Variants in RAB26 observed in about 807,000 individuals in gnomAD.
RAB26 encodes RAB26, member RAS oncogene family.
In RAB26, 39 loss-of-function variants were observed where a neutral mutation model predicts 33.1. That is an observed-to-expected ratio of 1.18 (90% CI 0.91 to 1.54). RAB26 has a LOEUF of 1.54. Ranked by LOEUF, RAB26 falls within the 40% of genes most tolerant of loss-of-function variation. The pLI is 0.00. For synonymous variants in RAB26, 192 were observed against 151.9 expected, an observed-to-expected ratio of 1.26 and a Z score of -1.94; for missense variants, 468 against 362.9, an observed-to-expected ratio of 1.29 and a Z score of -2.35.
In RAB26 at chr16:2,148,892, G is replaced by C. The variant is rs1420609584; in HGVS notation, c.109G>C (p.Gly37Arg). The C allele has an allele frequency of 5.9e-6, 8 of 1,351,794 alleles. No individual in the cohort carries two copies. Among genetic ancestry groups the C allele is most frequent in the Non-Finnish European group, 7.6e-6 (8 of 1,049,202 alleles). 83.7% of individuals were successfully genotyped at this position (1,351,794 alleles called of 1,614,324 possible). The change falls in exon 1 of 9, where the codon GGC becomes CGC. Residue 37 changes from glycine (G) to arginine (R), a missense_variant. By Grantham distance (125) the Gly-to-Arg change is moderately radical (BLOSUM62 -2). Transcript: ENST00000210187. Reference sequence around the variant, plus strand: ...GGCGCGCTCCGGGACTGCGCTTTCCGGCCCCGACGCGCCGCCCAACGGGCC... The same window carrying C: ...GGCGCGCTCCGGGACTGCGCTTTCCCGCCCCGACGCGCCGCCCAACGGGCC... ...RPARSGTALS[G>R]PDAPPNGPLQ...
chr16:2,152,045 G>C (rs532313694), intron 5 of RAB26, 137 bp downstream of exon 5: 1 of 1,281,036 alleles, frequency 7.8e-7, no homozygotes, highest in Non-Finnish European at 1.1e-6. Flanking sequence ...TTCTGGGCTG[G>C]AGGTGGCCCA....
At chr16:2,153,288 A>T (rs1316989754) in intron 8 of RAB26, 31 bp from the exon 9 acceptor site, 1 of 1,613,144 alleles carries the variant, frequency 6.2e-7, no homozygotes, top group Non-Finnish European at 8.5e-7. Flanking sequence ...AGTCCAGGCC[A>T]TCGTGTCCCC....
chr16:2,150,405 T>C (rs932542498), intron 2 of RAB26, among the ~76,000 whole-genome samples: 1 of 152,194 alleles, frequency 6.6e-6, no homozygotes, highest in Non-Finnish European at 1.5e-5. Context: ...CTGCAGAGCC[T>C]GAGCGAGGGT....
At chr16:2,151,498 G>A (rs541215096) in intron 2 of RAB26, 71 bp from the exon 3 acceptor site, 1 of 1,606,194 alleles carries the variant, frequency 6.2e-7, no homozygotes, top group East Asian at 2.2e-5. Context: ...GGGACAGGAA[G>A]GCAGTGAAGC....
At chr16:2,149,542 A>G (rs1279727210) in intron 1 of RAB26, among the ~76,000 whole-genome samples, 2 of 151,626 alleles carry the variant, frequency 1.3e-5, no homozygotes, top group Non-Finnish European at 2.9e-5. Context: ...TAATGGGGCA[A>G]ATTCCTCGAG....
rs143122879 is a variant in RAB26 at position 2,149,579 on chromosome 16, G to A, written c.196-362G>A. ...CTTGCTGGGGTCATGTCCCTACTGGGATGTGGAGAAGCCCCCGGCAGAGGC... is the reference window on the plus strand; with the variant it reads ...CTTGCTGGGGTCATGTCCCTACTGGAATGTGGAGAAGCCCCCGGCAGAGGC... On this transcript the variant is annotated intron_variant, in intron 1 of 8. Coordinates refer to ENST00000210187, the MANE Select transcript of RAB26 (RefSeq NM_014353.5). Among the ~76,000 whole-genome samples, 68 of 152,210 alleles carry A rather than the reference G, an allele frequency of 4.5e-4. 1 individual carries two copies. The highest frequency in any genetic ancestry group is 1.6e-3 in the African/African-American group (67 of 41,512).
rs368619436 is a variant in RAB26 at position 2,151,520 on chromosome 16, G to A, written c.307-49G>A. 30 of 1,612,328 alleles carry A rather than the reference G, an allele frequency of 1.9e-5. No individual in the cohort carries two copies. In the African/African-American group the frequency reaches 3.6e-4, roughly 19 times the overall value. ...GAAGGCAGTGAAGCTAGTGGGACCA[G>A]AGGCTGGGCTGGGCCCATGCCAGAG... On this transcript the variant is annotated intron_variant, in intron 2 of 8. Coordinates refer to ENST00000210187, the MANE Select transcript of RAB26 (RefSeq NM_014353.5).
At position 2,148,937 on chromosome 16, in the gene RAB26, T is replaced by C; in HGVS notation, c.154T>C (p.Ser52Pro). The change falls in exon 1 of 9, where the codon TCG becomes CCG. Residue 52 changes from serine to proline, a missense_variant. Transcript: ENST00000210187. ...PNGPLQPGRPSLGGGVDFYDV... is the reference protein window; with the variant it reads ...PNGPLQPGRPPLGGGVDFYDV... The stretch of plus-strand genomic sequence containing the variant: ...CGGGCCCTTGCAGCCCGGCCGGCCC[T>C]CGCTTGGCGGCGGTGTCGACTTCTA... 1.5e-6 allele frequency: 2 copies of C among 1,297,470 alleles called. No homozygotes were observed. Among genetic ancestry groups the C allele is most frequent in the African/African-American group, 1.5e-5 (1 of 65,046 alleles). The allele number at this position is 1,297,470 out of a possible 1,614,324, so 80.4% of individuals were successfully genotyped here. A position where few individuals can be genotyped will look rare whatever the true frequency, so the allele number is the denominator to read the frequency against.
At chr16:2,150,202 A>G (rs904269223) in intron 2 of RAB26, 151 bp downstream of exon 2, 6 of 645,088 alleles carry the variant, frequency 9.3e-6, no homozygotes, top group Middle Eastern at 2.5e-4. Flanking sequence ...TGGTGGCTGC[A>G]CCCGACAAGC....
chr16:2,150,090 CGCCGGTACCCG>C (rs1567239085), intron 2 of RAB26, 39 bp downstream of exon 2: 1 of 1,493,242 alleles, frequency 6.7e-7, no homozygotes, highest in African/African-American at 1.4e-5. Flanking sequence ...ATCAGAGTCC[CGCCGGTACCCG>C]AGCAGCAAGT....
chr16:2,148,899 A>G lies in RAB26; in HGVS notation c.116A>G (p.Asp39Gly). 7.4e-7 allele frequency: 1 copy of G among 1,345,378 alleles called. No homozygotes were observed. Among genetic ancestry groups the G allele is most frequent in the Non-Finnish European group, 9.6e-7 (1 of 1,045,718 alleles). 83.3% of individuals were successfully genotyped at this position (1,345,378 alleles called of 1,614,324 possible). A position where few individuals can be genotyped will look rare whatever the true frequency, so the allele number is the denominator to read the frequency against. The change falls in exon 1 of 9, where the codon GAC (aspartate) becomes GGC (glycine). Residue 39 changes from aspartate to glycine, a missense_variant. By Grantham distance (94) the Asp-to-Gly change is moderately conservative. Coordinates refer to ENST00000210187, the MANE Select transcript of RAB26 (RefSeq NM_014353.5). ...TCCGGGACTGCGCTTTCCGGCCCCG[A>G]CGCGCCGCCCAACGGGCCCTTGCAG... ...ARSGTALSGPDAPPNGPLQPG... is the reference protein window; with the variant it reads ...ARSGTALSGPGAPPNGPLQPG...
In RAB26 at chr16:2,151,757, T is replaced by C; in HGVS notation, c.411T>C (p.Ala137=). The change falls in exon 4 of 9, where the codon GCT becomes GCC. Residue 137 remains alanine (A), a synonymous_variant. Transcript: ENST00000210187. Reference sequence around the variant, plus strand: ...TTACCCATGCCTACTACCGGGATGCTCATGGTGAGCCCCTGGGTACCTGGG... The same window carrying C: ...TTACCCATGCCTACTACCGGGATGCCCATGGTGAGCCCCTGGGTACCTGGG... ...RSVTHAYYRD[A]HALLLLYDVT... 6.2e-7 allele frequency: 1 copy of C among 1,613,944 alleles called. No homozygotes were observed.
intron 5 of RAB26, 146 bp from the exon 6 acceptor site, chr16:2,152,674 C>T (rs1210968133): frequency 2.8e-5 from 17 of 613,716 alleles, no homozygotes; most frequent in Non-Finnish European, 3.5e-5. Context: ...GCCTGGGAAA[C>T]AGGGCGAGAC....
chr16:2,151,490 G>A (rs936769562), intron 2 of RAB26, 79 bp from the exon 3 acceptor site: 8 of 1,602,324 alleles, frequency 5.0e-6, no homozygotes, highest in Non-Finnish European at 6.8e-6. Context: ...GGTCTCAGGG[G>A]ACAGGAAGGC....
chr16:2,148,999 C>G (rs747088338), intron 1 of RAB26, 21 bp downstream of exon 1: 2 of 1,270,316 alleles, frequency 1.6e-6, no homozygotes, highest in East Asian at 3.1e-5. Flanking sequence ...CACCCGCCCC[C>G]CAGGCCAGCG....
Position 2,148,675 on chromosome 16 carries a change from CCGCCGCCA to C in RAB26, c.-108_-101del. 9.5e-7 allele frequency: 1 copy of C among 1,048,082 alleles called. No individual in the cohort carries two copies. The highest frequency in any genetic ancestry group is 1.2e-6 in the Non-Finnish European group (1 of 842,448). The allele number at this position is 1,048,082 out of a possible 1,614,324, so 64.9% of individuals were successfully genotyped here. On this transcript the variant is annotated 5_prime_UTR_variant, in exon 1 of 9. An upstream open reading frame in the 5' UTR loses its in-frame stop. Transcript: ENST00000210187. ...GCCGCCGCCGCCGCCGCCGCCGCCGCCGCCGCCAGGGGAAGGGTTCGGGTCCGGGTCGG... is the reference window on the plus strand; with the variant it reads ...GCCGCCGCCGCCGCCGCCGCCGCCGCGGGGAAGGGTTCGGGTCCGGGTCGG...
At chr16:2,151,969 C>T in intron 5 of RAB26, 61 bp downstream of exon 5, 1 of 1,594,526 alleles carries the variant, frequency 6.3e-7, no homozygotes. Flanking sequence ...TCCCAACCTC[C>T]TTCTGGTAGA....
rs773366929 is a variant in RAB26 at position 2,153,181 on chromosome 16, G to C, written c.627G>C (p.Lys209Asn). 26 of 1,613,734 alleles carry C rather than the reference G, an allele frequency of 1.6e-5. No individual in the cohort carries two copies. Among genetic ancestry groups the C allele is most frequent in the African/African-American group, 2.7e-5 (2 of 74,944 alleles). The change falls in exon 8 of 9, where the codon AAG becomes AAC. Residue 209 changes from lysine (K) to asparagine (N), a missense_variant. Transcript: ENST00000210187. ...TGCCCTTCATGGAGACCAGCGCCAA[G>C]ACGGGCCTCAACGTGGACTTGGCCT... ...YGLPFMETSAKTGLNVDLAFT... is the reference protein window; with the variant it reads ...YGLPFMETSANTGLNVDLAFT...
At position 2,153,229 on chromosome 16, in the gene RAB26, C is replaced by A; in HGVS notation, c.668+7C>A. 1 of 1,613,800 alleles carries A rather than the reference C, an allele frequency of 6.2e-7. No homozygotes were observed. Among genetic ancestry groups the A allele is most frequent in the Non-Finnish European group, 8.5e-7 (1 of 1,179,994 alleles). On this transcript the variant is annotated splice_region_variant and intron_variant, in intron 8 of 8. Coordinates refer to ENST00000210187, the MANE Select transcript of RAB26 (RefSeq NM_014353.5). ...CCTTCACAGCCATAGCAAAGTAAGT[C>A]CTGCCAGTCACCAGGACTCCCCCAG...
Sources: gnomAD v4.1 joint callset for allele counts (sites outside exome capture counted in the v4.1 genomes callset) on GRCh38, gnomAD v4.1.1 for gene constraint, MANE v1.5 for transcripts, NCBI Gene and HGNC (gene_info 2026-07-23, HGNC 2026-07-21) for gene names.